Variants in CACNA1C observed in about 807,000 individuals in gnomAD.
CACNA1C encodes calcium voltage-gated channel subunit alpha1 C, also known as voltage-dependent L-type calcium channel subunit alpha-1C.
In CACNA1C, 30 loss-of-function variants were observed where a neutral mutation model predicts 229.0. The observed-to-expected ratio is 0.13, with a 90% CI of 0.10 to 0.18. CACNA1C has a LOEUF of 0.18. CACNA1C is among the 10% of genes least tolerant of loss of function. CACNA1C has a pLI of 1.00. For synonymous variants in CACNA1C, 1,114 were observed against 1,132.5 expected (o/e 0.98, Z 0.33); for missense variants, 1,658 against 2,845.0 (o/e 0.58, Z 9.49).
chr12:2,234,541 A>G (rs553269570), intron 3 of CACNA1C, among the ~76,000 whole-genome samples: 1 of 152,332 alleles, frequency 6.6e-6, no homozygotes, highest in East Asian at 1.9e-4. Context: ...AGGCTCCTCA[A>G]CAGCCTGGAG....
intron 1 of CACNA1C, among the ~76,000 whole-genome samples, chr12:2,031,630 TTAGAG>T (rs1466004922): frequency 2.0e-5 from 3 of 152,188 alleles, no homozygotes; most frequent in African/African-American, 7.2e-5. Context: ...ACCCCTTACC[TTAGAG>T]TAAAGGTTCT....
At chr12:2,094,335 C>T (rs549877169) in intron 1 of CACNA1C, among the ~76,000 whole-genome samples, 9 of 152,184 alleles carry the variant, frequency 5.9e-5, no homozygotes, top group South Asian at 2.1e-4. Context: ...CCATTAGCCA[C>T]GTTTGTTGAG....
intron 42 of CACNA1C, among the ~76,000 whole-genome samples, chr12:2,681,435 C>G (rs1484096760): frequency 1.3e-5 from 2 of 152,222 alleles, no homozygotes; most frequent in Non-Finnish European, 2.9e-5. Flanking sequence ...GCATAGCCCA[C>G]GTCCCAGCTC....
intron 1 of CACNA1C, among the ~76,000 whole-genome samples, chr12:2,089,849 A>G (rs963949663): frequency 4.1e-5 from 6 of 146,354 alleles, no homozygotes; most frequent in African/African-American, 1.5e-4. Flanking sequence ...CCTGGCCAAC[A>G]TAGTGAAACC....
At chr12:2,399,483 C>T (rs2098644524) in intron 3 of CACNA1C, among the ~76,000 whole-genome samples, 1 of 152,194 alleles carries the variant, frequency 6.6e-6, no homozygotes, top group African/African-American at 2.4e-5. Context: ...GATAATCTTC[C>T]TCTGGAGTTC....
At chr12:2,236,416 C>A (rs1286626971) in intron 3 of CACNA1C, among the ~76,000 whole-genome samples, 1 of 152,170 alleles carries the variant, frequency 6.6e-6, no homozygotes, top group Non-Finnish European at 1.5e-5. Context: ...GCTCTTTCAG[C>A]AATAGAATAA....
chr12:2,357,195 C>G (rs1402771091), intron 3 of CACNA1C, among the ~76,000 whole-genome samples: 1 of 152,348 alleles, frequency 6.6e-6, no homozygotes, highest in African/African-American at 2.4e-5. Flanking sequence ...CCACCCAGAA[C>G]AACCTGCTGT....
Position 2,653,765 on chromosome 12 carries a change from G to T in CACNA1C, c.4075-70G>T. Reference sequence around the variant, plus strand: ...ATGGCTGCAGAGACAGGGATGCGGCGCTCCCTGGGAAGGGGCCCAGCTGGC... The same window carrying T: ...ATGGCTGCAGAGACAGGGATGCGGCTCTCCCTGGGAAGGGGCCCAGCTGGC... On this transcript the variant is annotated intron_variant, in intron 32 of 46. Transcript: ENST00000399655. This position sits in a 1 kb window ranked among gnomAD's most constrained non-coding sequence, Gnocchi z 4.7. 1 of 1,334,270 alleles carries T rather than the reference G, an allele frequency of 7.5e-7. No individual in the cohort carries two copies. The highest frequency in any genetic ancestry group is 1.1e-6 in the Non-Finnish European group (1 of 931,530). 82.7% of individuals were successfully genotyped at this position (1,334,270 alleles called of 1,614,324 possible).
At chr12:2,541,099 GT>G (rs2099868925) in intron 9 of CACNA1C, among the ~76,000 whole-genome samples, 1 of 152,128 alleles carries the variant, frequency 6.6e-6, no homozygotes, top group African/African-American at 2.4e-5. Flanking sequence ...TAAGGATCCG[GT>G]CACACTGGAT....
Position 2,611,971 on chromosome 12 carries a change from C to T in CACNA1C, c.3786C>T (p.Phe1262=), listed in dbSNP as rs216008. The T allele has an allele frequency of 0.2, 314,828 of 1,611,566 alleles. 32,419 individuals are homozygous for T. Among genetic ancestry groups the T allele is most frequent in the East Asian group, 0.38 (16,866 of 44,820 alleles). Residue 1262 remains phenylalanine (F), a synonymous_variant, in exon 29 of 47, where the codon TTC becomes TTT. Transcript: ENST00000399655. ...TCAACATGCTCTTCACTGGCCTCTT[C>T]ACCGTGGAGATGATCCTGAAGCTCA... ...NILNMLFTGL[F]TVEMILKLIA...
chr12:2,171,215 C>G (rs2096463779), intron 3 of CACNA1C, among the ~76,000 whole-genome samples: 1 of 152,186 alleles, frequency 6.6e-6, no homozygotes, highest in Non-Finnish European at 1.5e-5. Flanking sequence ...AGCTGTTTGG[C>G]CAGAGTGAGA....
At chr12:2,617,769 G>C (rs1444988905) in intron 29 of CACNA1C, among the ~76,000 whole-genome samples, 1 of 152,246 alleles carries the variant, frequency 6.6e-6, no homozygotes, top group Non-Finnish European at 1.5e-5. Context: ...GAAAGGCACA[G>C]ATGAGGGCTG....
In CACNA1C at chr12:2,595,812, C is replaced by T. The variant is rs560767018; in HGVS notation, c.2664-62C>T. Reference sequence around the variant, plus strand: ...GCTGAGGAGAGGGGCTCCCAAGAGCCGACTGGTGCTTCCCCTTGTCTGCCT... The same window carrying T: ...GCTGAGGAGAGGGGCTCCCAAGAGCTGACTGGTGCTTCCCCTTGTCTGCCT... On this transcript the variant is annotated intron_variant, in intron 19 of 46. Transcript: ENST00000399655. The surrounding 1 kb of genome is among the most constrained non-coding windows in gnomAD (Gnocchi z 4.1). 59 of 1,562,072 alleles carry T rather than the reference C, an allele frequency of 3.8e-5. No homozygotes were observed. The Middle Eastern group carries it at 5.6e-4, about 15-fold the overall frequency.
intron 1 of CACNA1C, among the ~76,000 whole-genome samples, chr12:2,007,372 T>C (rs1359635513): frequency 6.6e-6 from 1 of 152,214 alleles, no homozygotes; most frequent in African/African-American, 2.4e-5. Flanking sequence ...ACAGGCAATA[T>C]AGGGGCCATT....
At chr12:2,270,570 G>C (rs1466059823) in intron 3 of CACNA1C, among the ~76,000 whole-genome samples, 1 of 152,156 alleles carries the variant, frequency 6.6e-6, no homozygotes, top group Non-Finnish European at 1.5e-5. Context: ...CAGCACTCCA[G>C]ACGTGGTGAT....
At chr12:2,135,882 A>C (rs2093379925) in intron 3 of CACNA1C, among the ~76,000 whole-genome samples, 1 of 148,384 alleles carries the variant, frequency 6.7e-6, no homozygotes, top group Admixed American at 6.7e-5. Flanking sequence ...AAGCCCGGGC[A>C]ATGGCGGGCG....
rs778875547 is a variant in CACNA1C, at chr12:2,059,700, A to G, written c.49+6089A>G. 3.9e-4 allele frequency among the ~76,000 whole-genome samples: 59 copies of G among 152,212 alleles called. 1 individual carries two copies. The highest frequency in any genetic ancestry group is 6.5e-5 in the Admixed American group (1 of 15,286). On this transcript the variant is annotated intron_variant, in intron 1 of 46. Coordinates refer to ENST00000399655, the MANE Select transcript of CACNA1C (RefSeq NM_000719.7). ...CTTTGGGAATTTACTTTCTAGGATC[A>G]GGACATTTTATGGGTAAAGGAACCT...
chr12:2,039,528 G>A (rs1190406503), intron 1 of CACNA1C, among the ~76,000 whole-genome samples: 1 of 152,182 alleles, frequency 6.6e-6, no homozygotes, highest in African/African-American at 2.4e-5. Context: ...ACTATTCTTG[G>A]TAAAGGAAAT....
intron 3 of CACNA1C, among the ~76,000 whole-genome samples, chr12:2,243,246 T>G (rs1183755287): frequency 1.3e-5 from 2 of 152,204 alleles, no homozygotes; most frequent in African/African-American, 4.8e-5. Flanking sequence ...CTAACCAGGT[T>G]GTGTGTGAGT....
Sources: allele counts gnomAD v4.1 joint callset (sites outside exome capture counted in the v4.1 genomes callset), GRCh38; gene constraint gnomAD v4.1.1; non-coding constraint Gnocchi (gnomAD v3.1); transcripts MANE v1.5; gene names NCBI Gene and HGNC (gene_info 2026-07-23, HGNC 2026-07-21).